Variants in CNTNAP2 observed in about 807,000 individuals in gnomAD.
The protein encoded by CNTNAP2 is contactin associated protein 2, also known as contactin-associated protein-like 2.
Under a neutral mutation model 155.2 loss-of-function variants are expected in CNTNAP2, and 98 were observed. The observed-to-expected ratio is 0.63, with a 90% CI of 0.54 to 0.75. The LOEUF (loss-of-function observed/expected upper bound fraction) is 0.75, where lower values mean the gene tolerates loss of function less well. CNTNAP2 is among the 30% of genes least tolerant of loss of function. The pLI is 0.00. For synonymous variants in CNTNAP2, 651 were observed against 631.2 expected (o/e 1.03, Z -0.47); for missense variants, 1,727 against 1,688.1 (o/e 1.02, Z -0.40).
Position 148,229,792 on chromosome 7 carries a change from G to A in CNTNAP2, c.3381+13G>A, listed in dbSNP as rs1585203267. The stretch of plus-strand genomic sequence containing the variant: ...CATCTTTCTCAAGGTATACATACAT[G>A]TACATATAAATTACATATAATATCG... On this transcript the variant is annotated intron_variant, in intron 20 of 23. Coordinates refer to ENST00000361727, the MANE Select transcript of CNTNAP2 (RefSeq NM_014141.6). The A allele has an allele frequency of 1.2e-6, 2 of 1,613,876 alleles. No homozygotes were observed. Among genetic ancestry groups the A allele is most frequent in the Non-Finnish European group, 1.7e-6 (2 of 1,179,934 alleles).
rs1803162790 is a variant in CNTNAP2, at chr7:148,062,008, TGATAG to T, written c.2384-56109_2384-56105del. 2.8e-3 allele frequency among the ~76,000 whole-genome samples: 219 copies of T among 78,580 alleles called. 4 individuals are homozygous for T. Among genetic ancestry groups the T allele is most frequent in the Non-Finnish European group, 4.2e-3 (173 of 41,378 alleles). 51.6% of individuals were successfully genotyped at this position (78,580 alleles called of 152,430 possible). A position where few individuals can be genotyped will look rare whatever the true frequency, so the allele number is the denominator to read the frequency against. On this transcript the variant is annotated intron_variant, in intron 15 of 23. Coordinates refer to ENST00000361727, the MANE Select transcript of CNTNAP2 (RefSeq NM_014141.6). ...ATAGATAGATAGATAGATAGATAGA[TGATAG>T]AGAGAGAGAGAGAGAGTGTGTGTGT...
At chr7:147,803,239 C>G (rs749186320) in intron 13 of CNTNAP2, among the ~76,000 whole-genome samples, 1 of 152,116 alleles carries the variant, frequency 6.6e-6, no homozygotes, top group Non-Finnish European at 1.5e-5. Flanking sequence ...ACCTTATGCC[C>G]CCCAAAATGT....
intron 1 of CNTNAP2, among the ~76,000 whole-genome samples, chr7:146,745,223 T>C (rs971076250): frequency 1.3e-5 from 2 of 152,194 alleles, no homozygotes; most frequent in African/African-American, 2.4e-5. Flanking sequence ...TTTTTCACTT[T>C]ATTTACAAAC....
chr7:146,611,487 T>A (rs1472968263), intron 1 of CNTNAP2, among the ~76,000 whole-genome samples: 2 of 152,196 alleles, frequency 1.3e-5, no homozygotes, highest in Non-Finnish European at 2.9e-5. Context: ...AAAAAATACA[T>A]AATATTATAT....
rs1326389687 is a variant in CNTNAP2 at position 146,483,283 on chromosome 7, ATATAT to A, written c.98-290987_98-290983del. 7.8e-3 allele frequency among the ~76,000 whole-genome samples: 487 copies of A among 62,704 alleles called. 24 individuals are homozygous for A. The highest frequency in any genetic ancestry group is 0.019 in the African/African-American group (403 of 21,328). The allele number at this position is 62,704 out of a possible 152,430, so 41.1% of individuals were successfully genotyped here. A position where few individuals can be genotyped will look rare whatever the true frequency, so the allele number is the denominator to read the frequency against. On this transcript the variant is annotated intron_variant, in intron 1 of 23. Transcript: ENST00000361727. ...AGAGCAAGACTCCGTCTAAAAAAAAATATATATATATATATATATATATATATATA... is the reference window on the plus strand; with the variant it reads ...AGAGCAAGACTCCGTCTAAAAAAAAAATATATATATATATATATATATATA...
intron 20 of CNTNAP2, among the ~76,000 whole-genome samples, chr7:148,263,948 G>A (rs569541562): frequency 2.6e-5 from 4 of 152,200 alleles, no homozygotes; most frequent in Non-Finnish European, 5.9e-5. Flanking sequence ...AAACAATTCA[G>A]GAAAAGGAAG....
intron 1 of CNTNAP2, among the ~76,000 whole-genome samples, chr7:146,653,736 G>A (rs1563173837): frequency 6.6e-6 from 1 of 152,054 alleles, no homozygotes; most frequent in Non-Finnish European, 1.5e-5. Context: ...ATGTTATCTT[G>A]GAAGTTAATT....
intron 1 of CNTNAP2, among the ~76,000 whole-genome samples, chr7:146,148,741 T>C (rs1797991021): frequency 1.3e-5 from 2 of 152,140 alleles, no homozygotes; most frequent in Non-Finnish European, 2.9e-5. Flanking sequence ...TATAAGAATA[T>C]AGCATTCTAT....
At chr7:147,575,118 T>G (rs1800364292) in intron 12 of CNTNAP2, among the ~76,000 whole-genome samples, 1 of 149,256 alleles carries the variant, frequency 6.7e-6, no homozygotes, top group Non-Finnish European at 1.5e-5. Context: ...TGTGTGTGTG[T>G]GTGTGTGTGT....
chr7:146,969,333 G>T (rs1047344176), intron 3 of CNTNAP2, among the ~76,000 whole-genome samples: 11 of 152,210 alleles, frequency 7.2e-5, no homozygotes, highest in African/African-American at 2.4e-4. Flanking sequence ...AGGTCCGCTT[G>T]GTGCAGAGCT....
At chr7:147,210,410 T>G (rs1803122597) in intron 8 of CNTNAP2, among the ~76,000 whole-genome samples, 1 of 152,014 alleles carries the variant, frequency 6.6e-6, no homozygotes, top group Admixed American at 6.6e-5. Context: ...TGTGAGGATC[T>G]TTTGTGTTTC....
chr7:146,853,257 GCTTTA>G (rs1220764468), intron 3 of CNTNAP2, among the ~76,000 whole-genome samples: 2 of 152,094 alleles, frequency 1.3e-5, no homozygotes, highest in African/African-American at 4.8e-5. Context: ...TTGCACTTTA[GCTTTA>G]CTTAATGTAA....
intron 1 of CNTNAP2, among the ~76,000 whole-genome samples, chr7:146,566,914 T>C (rs1471842311): frequency 6.6e-6 from 1 of 152,130 alleles, no homozygotes; most frequent in African/African-American, 2.4e-5. Context: ...CTGACACACA[T>C]ACATACCTCA....
At chr7:146,148,293 G>C (rs1219027291) in intron 1 of CNTNAP2, among the ~76,000 whole-genome samples, 2 of 152,032 alleles carry the variant, frequency 1.3e-5, no homozygotes, top group Non-Finnish European at 2.9e-5. Context: ...GAAATATATA[G>C]AGTATTTTCT....
chr7:148,339,681 G>T (rs1189159671), intron 21 of CNTNAP2: 1 of 152,336 alleles, frequency 6.6e-6, no homozygotes, highest in Admixed American at 6.5e-5. Flanking sequence ...GCCTCCCGGT[G>T]CAAGTGTTGC....
At chr7:146,389,223 TCA>T (rs3050929) in intron 1 of CNTNAP2, among the ~76,000 whole-genome samples, 73,144 of 132,930 alleles carry the variant, frequency 0.55, 19,230 homozygotes, top group South Asian at 0.73. Context: ...TAGGAAATAG[TCA>T]CACACACACA....
intron 13 of CNTNAP2, among the ~76,000 whole-genome samples, chr7:147,786,941 G>C (rs1488424189): frequency 1.3e-5 from 2 of 151,896 alleles, no homozygotes; most frequent in Non-Finnish European, 2.9e-5. Flanking sequence ...TGAACTCCAG[G>C]CTGGACAACA....
intron 3 of CNTNAP2, among the ~76,000 whole-genome samples, chr7:146,860,862 A>C (rs913948656): frequency 1.3e-5 from 2 of 151,952 alleles, no homozygotes; most frequent in African/African-American, 4.8e-5. Context: ...CCTCCTTTGG[A>C]TTAAGATAAT....
chr7:147,949,697 ACT>A (rs1490407238), intron 14 of CNTNAP2, among the ~76,000 whole-genome samples: 1 of 151,970 alleles, frequency 6.6e-6, no homozygotes, highest in East Asian at 1.9e-4. Flanking sequence ...GTTTCGTACC[ACT>A]CTGCTGGGTC....
Sources: allele counts gnomAD v4.1 joint callset (sites outside exome capture counted in the v4.1 genomes callset), GRCh38; gene constraint gnomAD v4.1.1; transcripts MANE v1.5; gene names NCBI Gene and HGNC (gene_info 2026-07-23, HGNC 2026-07-21).